Variants in NRDE2 observed in about 807,000 individuals in gnomAD.
NRDE2 encodes NRDE-2, necessary for RNA interference, domain containing.
In NRDE2, 76 loss-of-function variants were observed where a neutral mutation model predicts 124.2. That is an observed-to-expected ratio of 0.61 (90% CI 0.51 to 0.74). NRDE2 has a LOEUF of 0.74. Ranked by LOEUF, NRDE2 falls within the 30% of genes least tolerant of loss-of-function variation. The probability of loss-of-function intolerance (pLI) is 0.00; values close to 1 mark genes in which losing one functional copy is unlikely to be tolerated. For synonymous variants in NRDE2, 489 were observed against 528.1 expected (o/e 0.93, Z 1.01); for missense variants, 1,314 against 1,417.3 (o/e 0.93, Z 1.17).
intron 1 of NRDE2, among the ~76,000 whole-genome samples, chr14:90,322,274 AATAAACACCAACTAGCTTACAACTCTT>A (rs1165555170): frequency 6.6e-6 from 1 of 152,164 alleles, no homozygotes; most frequent in Non-Finnish European, 1.5e-5. Context: ...CAAAAGAAAA[AATAAACACCAACTAGCTTACAACTCTT>A]ATATCCCAGT....
intron 1 of NRDE2, among the ~76,000 whole-genome samples, chr14:90,330,824 AT>A (rs1377121463): frequency 3.5e-5 from 5 of 144,052 alleles, no homozygotes; most frequent in Admixed American, 1.4e-4. Flanking sequence ...AAAAAAAAAA[AT>A]TAGGAGAAAC....
At chr14:90,309,308 G>A (rs917776431) in intron 4 of NRDE2, among the ~76,000 whole-genome samples, 3 of 148,036 alleles carry the variant, frequency 2.0e-5, no homozygotes, top group East Asian at 2.0e-4. Context: ...AGTGGCATAC[G>A]GGAAAAAAAA....
intron 6 of NRDE2, among the ~76,000 whole-genome samples, chr14:90,302,043 C>T (rs190596643): frequency 2.6e-5 from 4 of 152,246 alleles, no homozygotes; most frequent in Admixed American, 1.3e-4. Flanking sequence ...TGCTCTGTGC[C>T]GGACACTGAG....
At chr14:90,299,095 G>A (rs556730520) in intron 7 of NRDE2, among the ~76,000 whole-genome samples, 1 of 152,158 alleles carries the variant, frequency 6.6e-6, no homozygotes, top group Admixed American at 6.5e-5. Flanking sequence ...GCCCAGGCTG[G>A]AGTGCAGTGG....
Position 90,298,366 on chromosome 14 carries a change from T to G in NRDE2, c.1560A>C (p.Glu520Asp), listed in dbSNP as rs1231325232. ...GGGGCTCTCCACTGTCCCAAAAGGGTTCAAAGAATTCCACCTGTTCAGATT... is the reference window on the plus strand; with the variant it reads ...GGGGCTCTCCACTGTCCCAAAAGGGGTCAAAGAATTCCACCTGTTCAGATT... Reference protein sequence around the residue: ...LPTKGQVEFFEPFWDSGEPRA... With the variant: ...LPTKGQVEFFDPFWDSGEPRA... Residue 520 changes from glutamate to aspartate, a missense_variant, in exon 8 of 14, where the codon GAA (glutamate) becomes GAC (aspartate). By Grantham distance (45) the Glu-to-Asp change is conservative. Coordinates refer to ENST00000354366, the MANE Select transcript of NRDE2 (RefSeq NM_017970.4). 6.2e-7 allele frequency: 1 copy of G among 1,613,420 alleles called. No homozygotes were observed. The highest frequency in any genetic ancestry group is 1.6e-4 in the Middle Eastern group (1 of 6,084).
At chr14:90,330,322 A>G (rs1885637345) in intron 1 of NRDE2, among the ~76,000 whole-genome samples, 1 of 152,218 alleles carries the variant, frequency 6.6e-6, no homozygotes, top group Non-Finnish European at 1.5e-5. Context: ...GCACTCATGC[A>G]TTCCTGCAAC....
intron 7 of NRDE2, 21 bp downstream of exon 7, chr14:90,301,218 G>A (rs1884387144): frequency 6.2e-7 from 1 of 1,611,942 alleles, no homozygotes; most frequent in Admixed American, 1.7e-5. Context: ...AGAGAGAGAT[G>A]AGGCGAGCAG....
intron 8 of NRDE2, among the ~76,000 whole-genome samples, chr14:90,293,949 TC>T (rs1428608107): frequency 6.6e-6 from 1 of 152,114 alleles, no homozygotes; most frequent in Non-Finnish European, 1.5e-5. Context: ...TGGGCACTGA[TC>T]CCAGATAAAT....
Position 90,269,230 on chromosome 14 carries a change from C to A in NRDE2, c.*9106G>T. On this transcript the variant is annotated 3_prime_UTR_variant, in exon 14 of 14. Transcript: ENST00000354366. ...TTGGGGAAATACATTCAGACCATGG[C>A]AAGGGGTGCTGAATTTATTTTTTCC... 1.6e-6 allele frequency: 1 copy of A among 614,974 alleles called. No individual in the cohort carries two copies. The allele number at this position is 614,974 out of a possible 1,614,324, so 38.1% of individuals were successfully genotyped here. A position where few individuals can be genotyped will look rare whatever the true frequency, so the allele number is the denominator to read the frequency against.
At position 90,288,458 on chromosome 14, in the gene NRDE2, T is replaced by C. The variant is rs751366687; in HGVS notation, c.2917A>G (p.Met973Val). ...GCCAGCGGGTAAACACTCACTTTCATGTGGAATCTCAGCAGGCTCGTGTGC... is the reference window on the plus strand; with the variant it reads ...GCCAGCGGGTAAACACTCACTTTCACGTGGAATCTCAGCAGGCTCGTGTGC... ...LMHTSLLRFH[M>V]KVSVYPLAPL... The change falls in exon 11 of 14, where the codon ATG (methionine) becomes GTG (valine). Residue 973 changes from methionine (M) to valine (V), a missense_variant. By Grantham distance (21) the Met-to-Val change is conservative. Transcript: ENST00000354366. 1.9e-6 allele frequency: 3 copies of C among 1,614,170 alleles called. No homozygotes were observed. Among genetic ancestry groups the C allele is most frequent in the East Asian group, 2.2e-5 (1 of 44,870 alleles).
intron 1 of NRDE2, among the ~76,000 whole-genome samples, chr14:90,327,316 G>A (rs551796557): frequency 6.6e-5 from 10 of 152,304 alleles, no homozygotes; most frequent in South Asian, 4.1e-4. Context: ...CTGGGAGGCC[G>A]TGGCGGGAGC....
chr14:90,319,182 A>T (rs1230834009), intron 1 of NRDE2, among the ~76,000 whole-genome samples: 1 of 152,166 alleles, frequency 6.6e-6, no homozygotes, highest in East Asian at 1.9e-4. Flanking sequence ...TGGCAGCAGC[A>T]AGGGAGCCCA....
rs79297501 is a variant in NRDE2, at chr14:90,292,504, A to G, written c.1842+193T>C. Among the ~76,000 whole-genome samples the G allele has an allele frequency of 7.1e-3, 1,086 of 152,318 alleles. 21 individuals are homozygous for G. Among genetic ancestry groups the G allele is most frequent in the African/African-American group, 0.025 (1,053 of 41,574 alleles). On this transcript the variant is annotated intron_variant, in intron 9 of 13. Coordinates refer to ENST00000354366, the MANE Select transcript of NRDE2 (RefSeq NM_017970.4). ...TATGCTCCCCCATCACCAGCAGCCA[A>G]GGAAATTCTACACTGATATCCAGCA...
In NRDE2 at chr14:90,278,129, ATATAT is replaced by A; in HGVS notation, c.*202_*206del. On this transcript the variant is annotated 3_prime_UTR_variant, in exon 14 of 14. Transcript: ENST00000354366. ...TATGTACATATATACACATATTCAC[ATATAT>A]AATATGTAAATAACTTTTGTGTCAT... The A allele has an allele frequency of 1.8e-6, 1 of 549,422 alleles. No homozygotes were observed. The highest frequency in any genetic ancestry group is 2.0e-5 in the South Asian group (1 of 48,906). 34.0% of individuals were successfully genotyped at this position (549,422 alleles called of 1,614,324 possible).
intron 1 of NRDE2, among the ~76,000 whole-genome samples, chr14:90,320,389 T>A (rs866138742): frequency 6.6e-6 from 1 of 152,194 alleles, no homozygotes; most frequent in Non-Finnish European, 1.5e-5. Flanking sequence ...TCAGATCTCA[T>A]GAGAACTCAC....
chr14:90,303,409 T>C (rs1405607402), intron 5 of NRDE2, among the ~76,000 whole-genome samples: 2 of 152,244 alleles, frequency 1.3e-5, no homozygotes, highest in Non-Finnish European at 2.9e-5. Context: ...AGAGCAGACC[T>C]TACCAATAAA....
Position 90,316,643 on chromosome 14 carries a change from G to C in NRDE2, c.342C>G (p.Thr114=). Residue 114 remains threonine (T), a synonymous_variant, in exon 3 of 14, where the codon ACC becomes ACG. Transcript: ENST00000354366. The stretch of plus-strand genomic sequence containing the variant: ...TGGAAGGTTTGTCCTTTTCAGAATC[G>C]GTGTCTGTCTCAGACCTGCTGCTAC... ...PSSSSRSETD[T]DSEKDKPSRG... 6.2e-7 allele frequency: 1 copy of C among 1,614,072 alleles called. No homozygotes were observed.
chr14:90,319,645 G>T (rs75782643), intron 1 of NRDE2, among the ~76,000 whole-genome samples: 4,747 of 152,220 alleles, frequency 0.031, 96 homozygotes, highest in Non-Finnish European at 0.047. Context: ...GTTCATCCAT[G>T]CTGTAGTGTG....
At position 90,273,117 on chromosome 14, in the gene NRDE2, T is replaced by A. The variant is rs1248671339; in HGVS notation, c.*5219A>T. 6.6e-6 allele frequency: 1 copy of A among 152,202 alleles called. No homozygotes were observed. Among genetic ancestry groups the A allele is most frequent in the East Asian group, 1.9e-4 (1 of 5,182 alleles). The allele number at this position is 152,202 out of a possible 1,614,324, so 9.4% of individuals were successfully genotyped here. Reference sequence around the variant, plus strand: ...TCCGTCATTTCTCTTTCTGAACAAATCAGGCCTAAAGCTATTAAGTGGGAC... The same window carrying A: ...TCCGTCATTTCTCTTTCTGAACAAAACAGGCCTAAAGCTATTAAGTGGGAC... On this transcript the variant is annotated 3_prime_UTR_variant, in exon 14 of 14. Transcript: ENST00000354366.
Sources: gnomAD v4.1 joint callset for allele counts (sites outside exome capture counted in the v4.1 genomes callset) on GRCh38, gnomAD v4.1.1 for gene constraint, MANE v1.5 for transcripts, NCBI Gene and HGNC (gene_info 2026-07-23, HGNC 2026-07-21) for gene names.